The following TSKS variants were observed in gnomAD, a reference collection of about 807,000 sequenced individuals.
TSKS encodes the protein testis specific serine kinase substrate.
TSKS carries 27 observed loss-of-function variants against 68.0 expected under a neutral mutation model. That is an observed-to-expected ratio of 0.40 (90% confidence interval 0.29 to 0.55). The LOEUF (loss-of-function observed/expected upper bound fraction) is 0.55, where lower values mean the gene tolerates loss of function less well. Ranked by LOEUF, TSKS falls within the 20% of genes least tolerant of loss-of-function variation. The pLI is 0.53. For synonymous variants in TSKS, 331 were observed against 340.4 expected (o/e 0.97, Z 0.30); for missense variants, 806 against 776.0 (o/e 1.04, Z -0.46).
rs779799537 is a variant in TSKS at position 49,748,374 on chromosome 19, C to G, written c.495G>C (p.Gln165His). The G allele has an allele frequency of 3.1e-6, 5 of 1,613,648 alleles. No homozygotes were observed. The highest frequency in any genetic ancestry group is 4.2e-6 in the Non-Finnish European group (5 of 1,179,688). Reference sequence around the variant, plus strand: ...TGTTGGATATAGGGGGTCCTCACACCTGCAGAGACTGCACGTGCTGGTTAA... The same window carrying G: ...TGTTGGATATAGGGGGTCCTCACACGTGCAGAGACTGCACGTGCTGGTTAA... ...NRVNQHVQSL[Q>H]SECSVLSENL... The change falls in exon 3 of 11, where the codon CAG (glutamine) becomes CAC (histidine). Residue 165 changes from glutamine (Q) to histidine (H), a missense_variant and splice_region_variant. Physicochemically the swap from Gln to His is conservative, Grantham distance 24. Coordinates refer to ENST00000246801, the MANE Select transcript of TSKS (RefSeq NM_021733.2).
chr19:49,740,269 G>A, intron 9 of TSKS, 86 bp from the exon 10 acceptor site: 1 of 1,468,876 alleles, frequency 6.8e-7, no homozygotes, highest in Admixed American at 2.4e-5. Context: ...GCAAAGGGTA[G>A]GGTCCCATGG....
At chr19:49,752,787 T>C (rs1219519663) in intron 2 of TSKS, among the ~76,000 whole-genome samples, 1 of 152,236 alleles carries the variant, frequency 6.6e-6, no homozygotes, top group East Asian at 1.9e-4. Context: ...CCTGGGAATG[T>C]AGAAAGCCAT....
chr19:49,748,988 G>A (rs2084326299), intron 2 of TSKS, among the ~76,000 whole-genome samples: 1 of 151,984 alleles, frequency 6.6e-6, no homozygotes, highest in South Asian at 2.1e-4. Context: ...GCTTGAACCT[G>A]GGAAGCAGGG....
At chr19:49,761,804 GA>G (rs144846671) in intron 2 of TSKS, among the ~76,000 whole-genome samples, 199 bp downstream of exon 2, 20 of 148,678 alleles carry the variant, frequency 1.3e-4, no homozygotes, top group Admixed American at 4.7e-4. Flanking sequence ...TCTAAAGGAA[GA>G]AAAAAAAAAG....
intron 2 of TSKS, among the ~76,000 whole-genome samples, chr19:49,758,115 C>G (rs553463167): frequency 3.0e-4 from 45 of 150,242 alleles, no homozygotes; most frequent in African/African-American, 1.1e-3. Flanking sequence ...TCTCTGTCCC[C>G]CACTCTCTGG....
chr19:49,747,579 T>C (rs1600191441), intron 4 of TSKS, 107 bp from the exon 5 acceptor site: 1 of 1,082,330 alleles, frequency 9.2e-7, no homozygotes, highest in East Asian at 2.4e-5. Flanking sequence ...AGCCCCCCAG[T>C]ACAAGACACA....
intron 9 of TSKS, among the ~76,000 whole-genome samples, chr19:49,741,050 C>T (rs899303061): frequency 1.3e-5 from 2 of 151,770 alleles, no homozygotes; most frequent in Non-Finnish European, 2.9e-5. Context: ...TGGTGGCAGG[C>T]GCCTGTAGTC....
At chr19:49,745,990 T>C (rs1442659387) in intron 6 of TSKS, among the ~76,000 whole-genome samples, 1 of 152,102 alleles carries the variant, frequency 6.6e-6, no homozygotes, top group Admixed American at 6.6e-5. Context: ...GAGGCCATCC[T>C]GGCTAACACG....
chr19:49,742,997 C>T (rs1329651574), intron 8 of TSKS, among the ~76,000 whole-genome samples: 28 of 152,228 alleles, frequency 1.8e-4, no homozygotes, highest in Non-Finnish European at 7.4e-5. Context: ...ACTTCCCCCT[C>T]AGTGCACTGA....
chr19:49,748,514 C>A (rs761076669), intron 2 of TSKS, 45 bp from the exon 3 acceptor site: 1 of 1,556,226 alleles, frequency 6.4e-7, no homozygotes. Flanking sequence ...TATGTGGGGG[C>A]AAGCCCCAAG....
Position 49,741,971 on chromosome 19 carries a change from C to T in TSKS, c.1411G>A (p.Ala471Thr), listed in dbSNP as rs1223206654. The change falls in exon 9 of 11, where the codon GCA (alanine) becomes ACA (threonine). Residue 471 changes from alanine (A) to threonine (T), a missense_variant. Physicochemically the swap from Ala to Thr is moderately conservative, Grantham distance 58. Coordinates refer to ENST00000246801, the MANE Select transcript of TSKS (RefSeq NM_021733.2). ...ACCTCGTCCACTAGTGAGGTCAGTG[C>T]TCGGTCCAGCAGCTGCTGCAGGGAC... ...TESLQQLLDR[A>T]LTSLVDEVKQ... The T allele has an allele frequency of 1.9e-6, 3 of 1,614,048 alleles. No homozygotes were observed. The African/African-American group carries it at 4.0e-5, about 22-fold the overall frequency.
At chr19:49,752,062 A>G (rs1223032437) in intron 2 of TSKS, among the ~76,000 whole-genome samples, 2 of 151,016 alleles carry the variant, frequency 1.3e-5, no homozygotes, top group East Asian at 2.0e-4. Flanking sequence ...TGACACTGAG[A>G]TCCTGTCTCA....
intron 4 of TSKS, 129 bp from the exon 5 acceptor site, chr19:49,747,601 A>C: frequency 1.1e-6 from 1 of 906,182 alleles, no homozygotes; most frequent in Non-Finnish European, 1.7e-6. Flanking sequence ...TCACCAGCTC[A>C]TTTCCTTGGC....
In TSKS at chr19:49,746,700, C is replaced by T. The variant is rs147430813; in HGVS notation, c.762G>A (p.Glu254=). 45 of 1,600,948 alleles carry T rather than the reference C, an allele frequency of 2.8e-5. No individual in the cohort carries two copies. Among genetic ancestry groups the T allele is most frequent in the Non-Finnish European group, 3.6e-5 (42 of 1,177,764 alleles). The part of the protein sequence containing the change: ...QEPEEKQEPE[E]KQEPEEKQKP... ...TCTGCTTCTCCTCCGGCTCCTGCTTCTCCTCCGGCTCCTGCTTCTCCTCCG... is the reference window on the plus strand; with the variant it reads ...TCTGCTTCTCCTCCGGCTCCTGCTTTTCCTCCGGCTCCTGCTTCTCCTCCG... The change falls in exon 6 of 11, where the codon GAG becomes GAA. Residue 254 remains glutamate (E), a synonymous_variant. Transcript: ENST00000246801.
At chr19:49,745,615 C>G (rs950640681) in intron 6 of TSKS, among the ~76,000 whole-genome samples, 121 of 152,194 alleles carry the variant, frequency 8.0e-4, no homozygotes, top group African/African-American at 2.8e-3. Flanking sequence ...CCTTTATTGG[C>G]TATCTTGGCC....
At chr19:49,762,966 A>C (rs1206324349) in intron 1 of TSKS, 112 bp downstream of exon 1, 2 of 1,375,972 alleles carry the variant, frequency 1.5e-6, no homozygotes, top group East Asian at 5.3e-5. Context: ...CCTGCCCCCG[A>C]CCTGCTGGCT....
intron 2 of TSKS, among the ~76,000 whole-genome samples, chr19:49,751,219 G>A (rs887360715): frequency 1.8e-4 from 27 of 147,198 alleles, no homozygotes; most frequent in African/African-American, 6.1e-4. Context: ...CAGGAGAATC[G>A]CTTGAATCCA....
intron 3 of TSKS, 102 bp from the exon 4 acceptor site, chr19:49,748,270 A>T (rs897852678): frequency 7.7e-6 from 12 of 1,564,148 alleles, no homozygotes; most frequent in Non-Finnish European, 1.1e-5. Context: ...CTGAGCCTCA[A>T]GCTCCCCAAC....
chr19:49,748,947 C>T (rs1238325912), intron 2 of TSKS, among the ~76,000 whole-genome samples: 1 of 152,060 alleles, frequency 6.6e-6, no homozygotes, highest in Non-Finnish European at 1.5e-5. Flanking sequence ...CCTTTAATCC[C>T]AGCTACTTGG....
Sources: allele counts gnomAD v4.1 joint callset (sites outside exome capture counted in the v4.1 genomes callset), GRCh38; gene constraint gnomAD v4.1.1; transcripts MANE v1.5; gene names NCBI Gene and HGNC (gene_info 2026-07-23, HGNC 2026-07-21).